The following ZNF362 variants were observed in gnomAD, a reference collection of about 807,000 sequenced individuals.
The protein encoded by ZNF362 is zinc finger protein 362, also known as rotund homolog.
ZNF362 carries 11 observed loss-of-function variants against 42.9 expected under a neutral mutation model. The ratio of observed to expected loss-of-function variants is 0.26; its 90% CI spans 0.16 to 0.42. The LOEUF (loss-of-function observed/expected upper bound fraction) is 0.42. ZNF362 is among the 20% of genes least tolerant of loss of function. The probability of loss-of-function intolerance (pLI) is 1.00; values close to 1 mark genes in which losing one functional copy is unlikely to be tolerated. For synonymous variants in ZNF362, 255 were observed against 257.3 expected, an observed-to-expected ratio of 0.99 and a Z score of 0.09; for missense variants, 362 against 576.2, an observed-to-expected ratio of 0.63 and a Z score of 3.81.
At chr1:33,173,318 G>A in the ZNF362 span, among the ~76,000 whole-genome samples, 1 of 152,178 alleles carries the variant, frequency 6.6e-6, no homozygotes, top group Non-Finnish European at 1.5e-5. Context: ...AGACCTGGCC[G>A]GGCTGCACTT....
chr1:33,244,890 T>C, the ZNF362 span, among the ~76,000 whole-genome samples: 1 of 152,200 alleles, frequency 6.6e-6, no homozygotes, highest in African/African-American at 2.4e-5. The surrounding 1 kb of genome is among the most constrained non-coding windows in gnomAD (Gnocchi z 4.0). Flanking sequence ...ATTTTCTTCA[T>C]GGGACTGCCA....
chr1:33,276,109 G>A lies in ZNF362; in HGVS notation c.48G>A (p.Glu16=), dbSNP rs766818212. 1.2e-5 allele frequency: 19 copies of A among 1,613,960 alleles called. No individual in the cohort carries two copies. The East Asian group carries it at 4.2e-4, about 36-fold the overall frequency. The part of the protein sequence containing the change: ...PSGKGHSRMA[E]PRFNNPYFWP... ...CGCTCTCTTCCCGCAGGATGGCCGA[G>A]CCTCGATTTAACAACCCCTACTTCT... is the stretch of plus-strand genomic sequence containing the variant. The change falls in exon 3 of 9, where the codon GAG becomes GAA. Residue 16 remains glutamate, a synonymous_variant. Transcript: ENST00000539719.
the ZNF362 span, among the ~76,000 whole-genome samples, chr1:33,212,362 A>G: frequency 6.6e-6 from 1 of 152,164 alleles, no homozygotes; most frequent in South Asian, 2.1e-4. Flanking sequence ...ATTTTGGAAA[A>G]CAGTTTGGCA....
the ZNF362 span, among the ~76,000 whole-genome samples, chr1:33,185,073 G>A: frequency 5.9e-5 from 9 of 152,104 alleles, no homozygotes; most frequent in South Asian, 2.1e-4. Context: ...GAGCCACTGC[G>A]CCCAGCCAAT....
intron 6 of ZNF362, among the ~76,000 whole-genome samples, chr1:33,290,202 G>A (rs1466909343): frequency 5.9e-5 from 9 of 152,106 alleles, no homozygotes; most frequent in Admixed American, 3.3e-4. Flanking sequence ...CCATTAACTC[G>A]TCATTTACAT....
At chr1:33,293,245 G>A (rs1051007066) in intron 6 of ZNF362, among the ~76,000 whole-genome samples, 6 of 152,244 alleles carry the variant, frequency 3.9e-5, no homozygotes, top group African/African-American at 1.4e-4. Flanking sequence ...TCCCAGTGCT[G>A]AGGATGCAGA....
At chr1:33,292,054 T>C (rs1258920689) in intron 6 of ZNF362, among the ~76,000 whole-genome samples, 2 of 152,208 alleles carry the variant, frequency 1.3e-5, no homozygotes, top group African/African-American at 4.8e-5. Context: ...TTGAATACCC[T>C]TTATTTCTTT....
At chr1:33,293,056 C>T (rs1646091046) in intron 6 of ZNF362, among the ~76,000 whole-genome samples, 1 of 152,230 alleles carries the variant, frequency 6.6e-6, no homozygotes, top group South Asian at 2.1e-4. Context: ...GATTCCCCAT[C>T]TAGCAGGGGA....
chr1:33,285,673 C>G (rs1646027185), intron 6 of ZNF362, among the ~76,000 whole-genome samples: 2 of 152,058 alleles, frequency 1.3e-5, no homozygotes, highest in Non-Finnish European at 1.5e-5. Flanking sequence ...AAAATTAACC[C>G]AGGGAGGTTG....
At chr1:33,166,445 A>G in the ZNF362 span, 5 of 152,064 alleles carry the variant, frequency 3.3e-5, no homozygotes, top group East Asian at 1.9e-4. Context: ...GTCCAATGCT[A>G]CAGACTAGCT....
At chr1:33,258,046 G>C (rs1645805713) in intron 1 of ZNF362, among the ~76,000 whole-genome samples, 1 of 152,156 alleles carries the variant, frequency 6.6e-6, no homozygotes, top group Non-Finnish European at 1.5e-5. Context: ...CGGCCCAGTG[G>C]GTCCCGTCTG....
At chr1:33,195,291 G>A in the ZNF362 span, 1 of 152,256 alleles carries the variant, frequency 6.6e-6, no homozygotes, top group East Asian at 1.9e-4. Context: ...GTGGACTTTA[G>A]CAAGAAAAAA....
the ZNF362 span, among the ~76,000 whole-genome samples, chr1:33,232,213 G>A: frequency 6.6e-6 from 1 of 152,172 alleles, no homozygotes; most frequent in South Asian, 2.1e-4. Flanking sequence ...GGGGAAGTCT[G>A]ATGAAGAGGT....
intron 1 of ZNF362, among the ~76,000 whole-genome samples, chr1:33,265,053 AT>A (rs1645856291): frequency 6.6e-6 from 1 of 151,930 alleles, no homozygotes; most frequent in South Asian, 2.1e-4. Flanking sequence ...GGTGCCTGGC[AT>A]GGAGGAAGCA....
chr1:33,277,681 G>A (rs1275657495), intron 4 of ZNF362, among the ~76,000 whole-genome samples: 6 of 152,190 alleles, frequency 3.9e-5, no homozygotes, highest in African/African-American at 7.2e-5. Flanking sequence ...GAGAAGAGAG[G>A]ACAGGATGTA....
At chr1:33,195,549 T>G in the ZNF362 span, 1 of 152,248 alleles carries the variant, frequency 6.6e-6, no homozygotes, top group African/African-American at 2.4e-5. Context: ...TAGAGCCTGT[T>G]GCTCCTAGGC....
chr1:33,245,845 T>G, the ZNF362 span, among the ~76,000 whole-genome samples: 1 of 151,758 alleles, frequency 6.6e-6, no homozygotes, highest in African/African-American at 2.4e-5. Context: ...GAGGCTGAGG[T>G]AGGAGACTCA....
rs1193525424 is a variant in ZNF362 at position 33,299,842 on chromosome 1, C to G, written c.*796C>G. ...TGGCCAGGAAACCTTTCGGCTACCT[C>G]TCCCACCATCCCAGACTGTGGGCAG... On this transcript the variant is annotated 3_prime_UTR_variant, in exon 9 of 9. Transcript: ENST00000539719. 6.5e-6 allele frequency: 1 copy of G among 152,808 alleles called. No homozygotes were observed. Among genetic ancestry groups the G allele is most frequent in the East Asian group, 1.9e-4 (1 of 5,208 alleles). The allele number at this position is 152,808 out of a possible 1,614,324, so 9.5% of individuals were successfully genotyped here. A position where few individuals can be genotyped will look rare whatever the true frequency, so the allele number is the denominator to read the frequency against.
chr1:33,233,472 C>T, the ZNF362 span, among the ~76,000 whole-genome samples: 1 of 151,552 alleles, frequency 6.6e-6, no homozygotes, highest in African/African-American at 2.4e-5. Flanking sequence ...GGTGCAATCT[C>T]GGCTCACTGA....
Sources: allele counts gnomAD v4.1 joint callset (sites outside exome capture counted in the v4.1 genomes callset), GRCh38; gene constraint gnomAD v4.1.1; non-coding constraint Gnocchi (gnomAD v3.1); transcripts MANE v1.5; gene names NCBI Gene and HGNC (gene_info 2026-07-23, HGNC 2026-07-21).